The following PTPRK variants were observed in gnomAD, a reference collection of about 807,000 sequenced individuals.
PTPRK encodes receptor-type tyrosine-protein phosphatase kappa.
Under a neutral mutation model 178.0 loss-of-function variants are expected in PTPRK, and 75 were observed. The ratio of observed to expected loss-of-function variants is 0.42; its 90% CI spans 0.35 to 0.51. The LOEUF is 0.51. Ranked by LOEUF, PTPRK falls within the 20% of genes least tolerant of loss-of-function variation. PTPRK has a pLI of 0.02. For missense variants in PTPRK, 1,441 were observed against 1,797.8 expected (o/e 0.80, Z 3.59); for synonymous variants, 637 against 620.6 (o/e 1.03, Z -0.39).
chr6:128,178,360 G>A (rs919819003), intron 7 of PTPRK, among the ~76,000 whole-genome samples: 9 of 151,698 alleles, frequency 5.9e-5, no homozygotes, highest in Non-Finnish European at 1.3e-4. Flanking sequence ...TAAAATTTGT[G>A]AAATAATTAA....
intron 2 of PTPRK, among the ~76,000 whole-genome samples, chr6:128,396,807 G>A (rs1840366827): frequency 1.3e-5 from 2 of 152,080 alleles, no homozygotes; most frequent in South Asian, 4.2e-4. Flanking sequence ...AGACCAGCCT[G>A]ACCAACACAG....
At chr6:128,435,038 CAGGAAGGCAGGAAGGAAGGAAGGAAGGA>C (rs1463320909) in intron 1 of PTPRK, among the ~76,000 whole-genome samples, 5 of 75,976 alleles carry the variant, frequency 6.6e-5, no homozygotes, top group Admixed American at 3.0e-4. Flanking sequence ...GACAGGAAGG[CAGGAAGGCAGGAAGGAAGGAAGGAAGGA>C]AGGAAGGAAG....
At chr6:128,131,316 C>T (rs754290979) in intron 7 of PTPRK, among the ~76,000 whole-genome samples, 11 of 152,256 alleles carry the variant, frequency 7.2e-5, no homozygotes, top group East Asian at 1.9e-4. Flanking sequence ...TAGCAAAAAA[C>T]ATGGGTGATC....
chr6:128,238,203 G>C (rs113882916), intron 5 of PTPRK: 2 of 253,612 alleles, frequency 7.9e-6, no homozygotes, highest in Admixed American at 1.0e-4. Context: ...AAAAAAAAAA[G>C]AAAAGAAAAA....
chr6:128,511,134 T>G (rs1857118413), intron 1 of PTPRK, among the ~76,000 whole-genome samples: 1 of 152,110 alleles, frequency 6.6e-6, no homozygotes, highest in African/African-American at 2.4e-5. Context: ...GGAAAGCCAA[T>G]AAATAAACAC....
chr6:128,390,488 G>T (rs1839399797), intron 2 of PTPRK, among the ~76,000 whole-genome samples: 1 of 152,144 alleles, frequency 6.6e-6, no homozygotes, highest in South Asian at 2.1e-4. Context: ...GTGGAAAGAA[G>T]TATTTTAAAT....
At chr6:128,032,704 G>A (rs1030011425) in intron 13 of PTPRK, among the ~76,000 whole-genome samples, 2 of 151,950 alleles carry the variant, frequency 1.3e-5, no homozygotes, top group African/African-American at 4.8e-5. Flanking sequence ...AGGCCTCCAG[G>A]GTTTTGTAGA....
chr6:128,198,360 A>T (rs916233338), intron 6 of PTPRK, among the ~76,000 whole-genome samples: 1 of 152,176 alleles, frequency 6.6e-6, no homozygotes, highest in African/African-American at 2.4e-5. Flanking sequence ...GTTCACATTT[A>T]ACAACTTGTG....
At position 128,519,034 on chromosome 6, in the gene PTPRK, G is replaced by C. The variant is rs1858533777; in HGVS notation, c.100+1225C>G. The C allele has an allele frequency of 1.9e-6, 1 of 531,058 alleles. No individual in the cohort carries two copies. The allele number at this position is 531,058 out of a possible 1,614,324, so 32.9% of individuals were successfully genotyped here. A position where few individuals can be genotyped will look rare whatever the true frequency, so the allele number is the denominator to read the frequency against. ...ATTTGCGTCCTGCGGCTTCAGCCAGGAGCGTGGCTGTCGCTTTTCCCGTCT... is the reference window on the plus strand; with the variant it reads ...ATTTGCGTCCTGCGGCTTCAGCCAGCAGCGTGGCTGTCGCTTTTCCCGTCT... On this transcript the variant is annotated intron_variant, in intron 1 of 29. Transcript: ENST00000368226. The surrounding 1 kb of genome is among the most constrained non-coding windows in gnomAD (Gnocchi z 4.3).
At chr6:127,996,559 C>A (rs765219117) in intron 17 of PTPRK, among the ~76,000 whole-genome samples, 29 of 152,160 alleles carry the variant, frequency 1.9e-4, no homozygotes, top group Non-Finnish European at 3.7e-4. Flanking sequence ...GCAACCTCAA[C>A]CTCCTGGGTT....
intron 1 of PTPRK, among the ~76,000 whole-genome samples, chr6:128,398,627 T>A (rs1840648273): frequency 1.3e-5 from 2 of 152,220 alleles, no homozygotes; most frequent in Admixed American, 6.5e-5. Flanking sequence ...TGAAATCTCA[T>A]AATAGCCAAT....
chr6:128,006,488 T>A (rs1411542710), intron 14 of PTPRK, among the ~76,000 whole-genome samples: 1 of 150,966 alleles, frequency 6.6e-6, no homozygotes, highest in African/African-American at 2.4e-5. Context: ...TGTTAATATA[T>A]CATATATACA....
chr6:128,066,199 C>T (rs1238301921), intron 12 of PTPRK, among the ~76,000 whole-genome samples: 1 of 152,144 alleles, frequency 6.6e-6, no homozygotes, highest in Admixed American at 6.5e-5. Context: ...CCATTGTGTT[C>T]TGTTTTTATA....
intron 2 of PTPRK, among the ~76,000 whole-genome samples, chr6:128,378,180 C>T (rs1371605650): frequency 6.6e-6 from 1 of 152,010 alleles, no homozygotes; most frequent in African/African-American, 2.4e-5. Context: ...AACTAGAAAA[C>T]AAATATAATT....
chr6:128,267,329 A>C (rs1819113641), intron 3 of PTPRK, among the ~76,000 whole-genome samples: 1 of 152,088 alleles, frequency 6.6e-6, no homozygotes, highest in Admixed American at 6.6e-5. Flanking sequence ...CTTCTGTCTT[A>C]TTTATTATTT....
Position 128,299,960 on chromosome 6 carries a change from C to T in PTPRK, c.495+22079G>A, listed in dbSNP as rs1260032956. On this transcript the variant is annotated intron_variant, in intron 3 of 29. Coordinates refer to ENST00000368226, the MANE Select transcript of PTPRK (RefSeq NM_002844.4). ...AACCTACAAAATGGGAGAAAATTTT[C>T]GCAACCTACTCATCTGACAAAGGGC... 3.0e-4 allele frequency among the ~76,000 whole-genome samples: 45 copies of T among 152,020 alleles called. 1 individual carries two copies. In the Middle Eastern group the frequency reaches 0.01, roughly 34 times the overall value.
At chr6:128,231,611 G>A (rs927865746) in intron 5 of PTPRK, among the ~76,000 whole-genome samples, 1 of 152,088 alleles carries the variant, frequency 6.6e-6, no homozygotes, top group Non-Finnish European at 1.5e-5. Context: ...TTAAGTTGGC[G>A]ACAAGCTTCA....
At chr6:128,280,167 T>G (rs1821443586) in intron 3 of PTPRK, among the ~76,000 whole-genome samples, 1 of 152,080 alleles carries the variant, frequency 6.6e-6, no homozygotes, top group African/African-American at 2.4e-5. Flanking sequence ...TAATATCTCC[T>G]CCTCCAGCTC....
chr6:128,134,465 T>C lies in PTPRK; in HGVS notation c.1163-44473A>G, dbSNP rs976527353. Among the ~76,000 whole-genome samples the C allele has an allele frequency of 4.6e-5, 7 of 152,248 alleles. No individual in the cohort carries two copies. The South Asian group carries it at 1.4e-3, about 32-fold the overall frequency. On this transcript the variant is annotated intron_variant, in intron 7 of 29. Coordinates refer to ENST00000368226, the MANE Select transcript of PTPRK (RefSeq NM_002844.4). ...CTAGGCTATGGTGCCCAGGGTTTGG[T>C]CAAATATTAGACTGGGTGTGCAGTG...
Sources: allele counts gnomAD v4.1 joint callset (sites outside exome capture counted in the v4.1 genomes callset), GRCh38; gene constraint gnomAD v4.1.1; non-coding constraint Gnocchi (gnomAD v3.1); transcripts MANE v1.5; gene names NCBI Gene and HGNC (gene_info 2026-07-23, HGNC 2026-07-21).